The following TMEM117 variants were observed in gnomAD, a reference collection of about 807,000 sequenced individuals.
TMEM117 encodes transmembrane protein 117.
TMEM117 carries 27 observed loss-of-function variants against 52.4 expected under a neutral mutation model. The ratio of observed to expected loss-of-function variants is 0.51; its 90% confidence interval spans 0.38 to 0.71. The LOEUF is 0.71. Ranked by LOEUF, TMEM117 falls within the 30% of genes least tolerant of loss-of-function variation. The pLI is 0.00. For synonymous variants in TMEM117, 215 were observed against 206.3 expected (o/e 1.04, Z -0.36); for missense variants, 556 against 630.5 (o/e 0.88, Z 1.26).
At chr12:44,218,572 A>C (rs1252620986) in intron 5 of TMEM117, among the ~76,000 whole-genome samples, 1 of 152,206 alleles carries the variant, frequency 6.6e-6, no homozygotes, top group East Asian at 1.9e-4. Flanking sequence ...GAACATGCCA[A>C]GGTTGCTCAC....
At chr12:44,067,508 C>T (rs973942086) in intron 3 of TMEM117, among the ~76,000 whole-genome samples, 5 of 151,972 alleles carry the variant, frequency 3.3e-5, no homozygotes, top group African/African-American at 1.2e-4. Flanking sequence ...TGAAAATCTC[C>T]TTGTACATCT....
At chr12:44,208,079 T>G (rs914114129) in intron 4 of TMEM117, among the ~76,000 whole-genome samples, 1 of 152,152 alleles carries the variant, frequency 6.6e-6, no homozygotes, top group African/African-American at 2.4e-5. Context: ...TTCATGCTGT[T>G]GTTGCCTGGC....
At chr12:43,930,272 C>G (rs918005003) in intron 2 of TMEM117, among the ~76,000 whole-genome samples, 1 of 152,122 alleles carries the variant, frequency 6.6e-6, no homozygotes, top group Non-Finnish European at 1.5e-5. Context: ...TTGATCTTAC[C>G]TCACCTACAT....
chr12:43,936,203 C>T (rs557548654), intron 2 of TMEM117, among the ~76,000 whole-genome samples: 8 of 151,672 alleles, frequency 5.3e-5, no homozygotes, highest in South Asian at 2.1e-4. Flanking sequence ...AAGAGGGCAT[C>T]GCAATAGGTC....
At chr12:44,016,095 A>T (rs1256087788) in intron 3 of TMEM117, among the ~76,000 whole-genome samples, 1 of 151,390 alleles carries the variant, frequency 6.6e-6, no homozygotes, top group East Asian at 1.9e-4. Flanking sequence ...CCTCCTCCCA[A>T]CTCCCTTCAG....
intron 3 of TMEM117, among the ~76,000 whole-genome samples, chr12:44,082,485 A>G (rs79143976): frequency 0.045 from 6,829 of 152,118 alleles, 521 homozygotes; most frequent in African/African-American, 0.16. Context: ...TAAACAAAAC[A>G]GTAAATATCC....
intron 3 of TMEM117, among the ~76,000 whole-genome samples, chr12:44,036,296 C>G (rs1946709148): frequency 6.6e-6 from 1 of 152,034 alleles, no homozygotes; most frequent in African/African-American, 2.4e-5. Flanking sequence ...AGTTTTCTAC[C>G]TACCACTCAG....
chr12:44,069,611 G>A (rs1947271180), intron 3 of TMEM117, among the ~76,000 whole-genome samples: 1 of 152,160 alleles, frequency 6.6e-6, no homozygotes, highest in African/African-American at 2.4e-5. Flanking sequence ...TAGGGTCTTG[G>A]AAAGGCTGAC....
chr12:44,265,337 G>A (rs12828607), intron 5 of TMEM117, among the ~76,000 whole-genome samples: 8,045 of 152,042 alleles, frequency 0.053, 290 homozygotes, highest in Non-Finnish European at 0.084. Context: ...TAGGGTATTC[G>A]GATTTCATTC....
In TMEM117 at chr12:43,937,325, A is replaced by T. The variant is rs144775414; in HGVS notation, c.278-6885A>T. Among the ~76,000 whole-genome samples the T allele has an allele frequency of 2.4e-4, 36 of 152,292 alleles. No homozygotes were observed. In the East Asian group the frequency reaches 3.9e-3, roughly 16 times the overall value. ...GAAAGAGAATTGACAAGGATAGGGA[A>T]AGGCATTGATGCATTAATGTGCAGT... On this transcript the variant is annotated intron_variant, in intron 2 of 7. Coordinates refer to ENST00000266534, the MANE Select transcript of TMEM117 (RefSeq NM_032256.3).
intron 2 of TMEM117, among the ~76,000 whole-genome samples, chr12:43,899,261 T>G (rs1410149776): frequency 6.6e-6 from 1 of 152,226 alleles, no homozygotes; most frequent in Admixed American, 6.5e-5. Flanking sequence ...GTAGTGAAAG[T>G]TGGATTATCT....
At chr12:43,991,996 C>T (rs1486637535) in intron 3 of TMEM117, among the ~76,000 whole-genome samples, 1 of 151,936 alleles carries the variant, frequency 6.6e-6, no homozygotes, top group African/African-American at 2.4e-5. Context: ...CCCATCTCTA[C>T]CAAAAAATAT....
intron 3 of TMEM117, among the ~76,000 whole-genome samples, chr12:44,007,897 C>T (rs780894389): frequency 3.9e-5 from 6 of 152,102 alleles, no homozygotes; most frequent in Non-Finnish European, 8.8e-5. Context: ...TCCCCAGCCA[C>T]GTGGAACTGT....
intron 3 of TMEM117, among the ~76,000 whole-genome samples, chr12:43,981,093 CG>C (rs1451870250): frequency 6.6e-6 from 1 of 152,096 alleles, no homozygotes; most frequent in Non-Finnish European, 1.5e-5. Context: ...CAAAGCTTCC[CG>C]GCCTTCCAAG....
intron 3 of TMEM117, among the ~76,000 whole-genome samples, chr12:44,071,212 C>T (rs1158388758): frequency 2.0e-5 from 3 of 152,146 alleles, no homozygotes; most frequent in East Asian, 3.9e-4. Flanking sequence ...AGAACAGCCG[C>T]GCTCGTGCCA....
intron 3 of TMEM117, among the ~76,000 whole-genome samples, chr12:44,085,729 A>G (rs187268146): frequency 6.6e-6 from 1 of 152,356 alleles, no homozygotes; most frequent in Non-Finnish European, 1.5e-5. Context: ...ATTATAGAAC[A>G]TGTTTTCTTC....
At chr12:44,387,909 A>G in intron 7 of TMEM117, 117 bp from the exon 8 acceptor site, 1 of 948,260 alleles carries the variant, frequency 1.1e-6, no homozygotes, top group Non-Finnish European at 1.5e-6. Context: ...TTAATTGTTA[A>G]CCAGTCTGAA....
intron 3 of TMEM117, among the ~76,000 whole-genome samples, chr12:44,053,443 A>C (rs1402663656): frequency 6.6e-6 from 1 of 152,160 alleles, no homozygotes; most frequent in Non-Finnish European, 1.5e-5. Context: ...ATGTTCACCA[A>C]CCAGTAAGCT....
intron 3 of TMEM117, among the ~76,000 whole-genome samples, chr12:44,084,574 C>T (rs1283407079): frequency 6.6e-6 from 1 of 152,050 alleles, no homozygotes; most frequent in Non-Finnish European, 1.5e-5. Flanking sequence ...TTCATTCTTT[C>T]CCTCATCTGT....
Sources: gnomAD v4.1 joint callset for allele counts (sites outside exome capture counted in the v4.1 genomes callset) on GRCh38, gnomAD v4.1.1 for gene constraint, MANE v1.5 for transcripts, NCBI Gene and HGNC (gene_info 2026-07-23, HGNC 2026-07-21) for gene names.